The following MASTL variants were observed in gnomAD, a reference collection of about 807,000 sequenced individuals.
MASTL encodes the protein serine/threonine-protein kinase greatwall.
MASTL carries 54 observed loss-of-function variants against 82.5 expected under a neutral mutation model. The observed-to-expected ratio is 0.65, with a 90% CI of 0.53 to 0.82. The LOEUF (loss-of-function observed/expected upper bound fraction) is 0.82. Among genes scored for constraint, MASTL ranks in the 40% least tolerant of loss-of-function variants. MASTL has a pLI of 0.00. For missense variants in MASTL, 950 were observed against 1,047.8 expected, an observed-to-expected ratio of 0.91 and a Z score of 1.29; for synonymous variants, 323 against 368.9, an observed-to-expected ratio of 0.88 and a Z score of 1.43.
At chr10:27,166,004 C>T (rs1265263282) in intron 6 of MASTL, among the ~76,000 whole-genome samples, 4 of 152,040 alleles carry the variant, frequency 2.6e-5, no homozygotes, top group South Asian at 4.2e-4. Context: ...GTCAGGAGTT[C>T]GAGACCAGCC....
chr10:27,184,170 T>TA (rs1289710507), intron 11 of MASTL, among the ~76,000 whole-genome samples: 1 of 152,166 alleles, frequency 6.6e-6, no homozygotes, highest in Non-Finnish European at 1.5e-5. Context: ...AGTGAACAGT[T>TA]ACAGACACAA....
rs79219816 is a variant in MASTL, at chr10:27,176,556, A to G, written c.2266+3297A>G. The stretch of plus-strand genomic sequence containing the variant: ...TGTTCCCATTCCATTTCTTAAATAC[A>G]TTTAATTTTCAGGTCTTCCCTATTT... On this transcript the variant is annotated intron_variant, in intron 9 of 11. Transcript: ENST00000375940. Among the ~76,000 whole-genome samples, 1,456 of 152,226 alleles carry G rather than the reference A, an allele frequency of 9.6e-3. 15 individuals are homozygous for G. Among genetic ancestry groups the G allele is most frequent in the Middle Eastern group, 0.024 (7 of 294 alleles).
rs1389135222 is a variant in MASTL, at chr10:27,159,793, A to G, written c.464+35A>G. 1 of 1,563,944 alleles carries G rather than the reference A, an allele frequency of 6.4e-7. No individual in the cohort carries two copies. The highest frequency in any genetic ancestry group is 1.7e-5 in the Admixed American group (1 of 59,920). ...GACTTCTCCAAATTATTACTTAAAA[A>G]TTCAAGTAATCAAATTACATATTTG... On this transcript the variant is annotated intron_variant, in intron 3 of 11. Coordinates refer to ENST00000375940, the MANE Select transcript of MASTL (RefSeq NM_001172303.3). This position sits in a 1 kb window ranked among gnomAD's most constrained non-coding sequence, Gnocchi z 4.0.
At position 27,170,386 on chromosome 10, in the gene MASTL, G is replaced by A; in HGVS notation, c.1427G>A (p.Cys476Tyr). 6.2e-7 allele frequency: 1 copy of A among 1,614,026 alleles called. No homozygotes were observed. Among genetic ancestry groups the A allele is most frequent in the East Asian group, 2.2e-5 (1 of 44,874 alleles). Residue 476 changes from cysteine (C) to tyrosine (Y), a missense_variant, in exon 8 of 12, where the codon TGT becomes TAT. Physicochemically the swap from Cys to Tyr is radical, Grantham distance 194. Transcript: ENST00000375940. Reference protein sequence around the residue: ...VEYKHNEMTNCYTNQNTGLTV... With the variant: ...VEYKHNEMTNYYTNQNTGLTV... ...TATAAGCATAACGAAATGACAAATTGTTATACAAATCAAAATACAGGCTTA... is the reference window on the plus strand; with the variant it reads ...TATAAGCATAACGAAATGACAAATTATTATACAAATCAAAATACAGGCTTA...
At chr10:27,176,172 A>T (rs2058096772) in intron 9 of MASTL, among the ~76,000 whole-genome samples, 2 of 151,558 alleles carry the variant, frequency 1.3e-5, no homozygotes, top group African/African-American at 4.9e-5. Flanking sequence ...CAGTTTCATC[A>T]CCTTCATGGT....
In MASTL at chr10:27,172,220, A is replaced by G. The variant is rs189134077; in HGVS notation, c.2125-898A>G. On this transcript the variant is annotated intron_variant, in intron 8 of 11. Coordinates refer to ENST00000375940, the MANE Select transcript of MASTL (RefSeq NM_001172303.3). ...TCTTCCTTTGGGAAAACATCATAAC[A>G]TAAAATGTGTAACCCCTGAATTTAT... 2.2e-3 allele frequency among the ~76,000 whole-genome samples: 333 copies of G among 152,310 alleles called. 2 individuals are homozygous for G. Among genetic ancestry groups the G allele is most frequent in the African/African-American group, 7.6e-3 (316 of 41,560 alleles).
In MASTL at chr10:27,165,107, A is replaced by G. The variant is rs761170238; in HGVS notation, c.597A>G (p.Lys199=). Residue 199 remains lysine, a synonymous_variant, in exon 5 of 12, where the codon AAA becomes AAG. Coordinates refer to ENST00000375940, the MANE Select transcript of MASTL (RefSeq NM_001172303.3). ...TCCTTACAACACCATCAATGGCAAA[A>G]CCTAGACAAGATTATTCAAGAACCC... ...MDILTTPSMA[K]PRQDYSRTPG... is the part of the protein sequence containing the mutation. 1.2e-6 allele frequency: 2 copies of G among 1,613,338 alleles called. No individual in the cohort carries two copies. The highest frequency in any genetic ancestry group is 3.3e-5 in the Admixed American group (2 of 59,998).
intron 1 of MASTL, 62 bp from the exon 2 acceptor site, chr10:27,158,487 G>C: frequency 1.5e-6 from 2 of 1,363,628 alleles, no homozygotes; most frequent in South Asian, 1.2e-5. Flanking sequence ...GCCTGGGCAA[G>C]AGAATGAGAC....
chr10:27,170,984 G>A lies in MASTL; in HGVS notation c.2025G>A (p.Met675Ile), dbSNP rs745822643. The change falls in exon 8 of 12, where the codon ATG becomes ATA. Residue 675 changes from methionine (M) to isoleucine (I), a missense_variant. By Grantham distance (10) the Met-to-Ile change is conservative. Coordinates refer to ENST00000375940, the MANE Select transcript of MASTL (RefSeq NM_001172303.3). ...SNNSEPSRMNMTSLDAMDISC... is the reference protein window; with the variant it reads ...SNNSEPSRMNITSLDAMDISC... The stretch of plus-strand genomic sequence containing the variant: ...ACTCAGAACCATCCAGAATGAACAT[G>A]ACTTCTTTAGATGCAATGGATATTT... The A allele has an allele frequency of 1.2e-5, 20 of 1,613,860 alleles. No individual in the cohort carries two copies. Among genetic ancestry groups the A allele is most frequent in the East Asian group, 1.1e-4 (5 of 44,870 alleles).
At position 27,173,163 on chromosome 10, in the gene MASTL, AAG is replaced by A. The variant is rs752506981; in HGVS notation, c.2173_2174del (p.Ser725CysfsTer9). The part of the protein sequence containing the change: ...IKSGTPYRTP[K>X]SVRRGVAPVD... Reference sequence around the variant, plus strand: ...GTCGGGAACTCCATACCGAACTCCGAAGAGTGTGAGAAGAGGGGTGGCCCCCG... The same window carrying A: ...GTCGGGAACTCCATACCGAACTCCGAAGTGTGAGAAGAGGGGTGGCCCCCG... On this transcript the variant is annotated frameshift_variant, in exon 9 of 12. Coordinates refer to ENST00000375940, the MANE Select transcript of MASTL (RefSeq NM_001172303.3). LOFTEE classifies it high-confidence loss of function. 6.2e-7 allele frequency: 1 copy of A among 1,614,164 alleles called. No homozygotes were observed. Among genetic ancestry groups the A allele is most frequent in the East Asian group, 2.2e-5 (1 of 44,878 alleles).
At chr10:27,186,247 A>C (rs1029854774) in intron 11 of MASTL, 132 bp from the exon 12 acceptor site, 9 of 942,822 alleles carry the variant, frequency 9.5e-6, no homozygotes, top group Non-Finnish European at 1.5e-5. Context: ...ACATTAAACA[A>C]ATGTCTGTGA....
chr10:27,171,177 A>G lies in MASTL; in HGVS notation c.2124+94A>G. On this transcript the variant is annotated intron_variant, in intron 8 of 11. Coordinates refer to ENST00000375940, the MANE Select transcript of MASTL (RefSeq NM_001172303.3). ...TAAGCTAGACTATGCGGTATTAATC[A>G]TATAGTTCTGTTCTTCTTGTTGAGA... is the stretch of plus-strand genomic sequence containing the variant. 3 of 1,084,766 alleles carry G rather than the reference A, an allele frequency of 2.8e-6. No individual in the cohort carries two copies. The Admixed American group carries it at 5.6e-5, about 20-fold the overall frequency. 67.2% of individuals were successfully genotyped at this position (1,084,766 alleles called of 1,614,324 possible). A position where few individuals can be genotyped will look rare whatever the true frequency, so the allele number is the denominator to read the frequency against.
At chr10:27,160,956 T>C in intron 3 of MASTL, 138 bp from the exon 4 acceptor site, 1 of 664,750 alleles carries the variant, frequency 1.5e-6, no homozygotes. Flanking sequence ...TCTGTACTTT[T>C]CAAAGCCATC....
Position 27,170,841 on chromosome 10 carries a change from G to C in MASTL, c.1882G>C (p.Val628Leu), listed in dbSNP as rs780924900. ...TSPKGVENPA[V>L]QESNQKMLGP... Reference sequence around the variant, plus strand: ...ACCAAAAGGTGTCGAGAACCCTGCTGTACAAGAGAGTAACCAAAAAATGTT... The same window carrying C: ...ACCAAAAGGTGTCGAGAACCCTGCTCTACAAGAGAGTAACCAAAAAATGTT... Residue 628 changes from valine (V) to leucine (L), a missense_variant, in exon 8 of 12, where the codon GTA becomes CTA. Physicochemically the swap from Val to Leu is conservative, Grantham distance 32 (BLOSUM62 1). Coordinates refer to ENST00000375940, the MANE Select transcript of MASTL (RefSeq NM_001172303.3). 1.2e-6 allele frequency: 2 copies of C among 1,614,144 alleles called. No individual in the cohort carries two copies. The highest frequency in any genetic ancestry group is 1.7e-6 in the Non-Finnish European group (2 of 1,180,002).
Position 27,171,831 on chromosome 10 carries a change from T to C in MASTL, c.2124+748T>C, listed in dbSNP as rs553914035. 2.2e-3 allele frequency among the ~76,000 whole-genome samples: 293 copies of C among 135,308 alleles called. 6 individuals are homozygous for C. Among genetic ancestry groups the C allele is most frequent in the African/African-American group, 8.3e-3 (283 of 34,032 alleles). The allele number at this position is 135,308 out of a possible 152,430, so 88.8% of individuals were successfully genotyped here. The stretch of plus-strand genomic sequence containing the variant: ...AAAGTTGAAAAATATGTTTCTTTTT[T>C]TTTTTTTTTTTTTTTTGAGACAAAG... On this transcript the variant is annotated intron_variant, in intron 8 of 11. Transcript: ENST00000375940.
chr10:27,173,474 C>T (rs1036073623), intron 9 of MASTL, among the ~76,000 whole-genome samples: 1 of 152,120 alleles, frequency 6.6e-6, no homozygotes. Flanking sequence ...TGCTGGAGTA[C>T]ATGTAGTCAT....
Position 27,155,623 on chromosome 10 carries a change from A to G in MASTL, c.186+11A>G. On this transcript the variant is annotated intron_variant, in intron 1 of 11. Coordinates refer to ENST00000375940, the MANE Select transcript of MASTL (RefSeq NM_001172303.3). ...TTGTATGCAGTAAAGGTAGGAAGTC[A>G]ACGAGTAGCAAGGAAGGGGTTAGGC... 5 of 1,614,108 alleles carry G rather than the reference A, an allele frequency of 3.1e-6. No individual in the cohort carries two copies. The highest frequency in any genetic ancestry group is 4.2e-6 in the Non-Finnish European group (5 of 1,179,982).
intron 7 of MASTL, among the ~76,000 whole-genome samples, chr10:27,167,922 C>T (rs1034038474): frequency 6.6e-6 from 1 of 152,026 alleles, no homozygotes; most frequent in Non-Finnish European, 1.5e-5. Context: ...TACTTAAAGT[C>T]ACTTTACTTA....
Position 27,170,567 on chromosome 10 carries a change from C to T in MASTL, c.1608C>T (p.Leu536=), listed in dbSNP as rs755238469. ...PMIAKNLMCE[L]DEDCEKNSKR... is the part of the protein sequence containing the mutation. Reference sequence around the variant, plus strand: ...TAGCAAAAAACCTTATGTGTGAACTCGATGAAGACTGTGAAAAGAATAGTA... The same window carrying T: ...TAGCAAAAAACCTTATGTGTGAACTTGATGAAGACTGTGAAAAGAATAGTA... Residue 536 remains leucine (L), a synonymous_variant, in exon 8 of 12, where the codon CTC becomes CTT. Transcript: ENST00000375940. 12 of 1,613,226 alleles carry T rather than the reference C, an allele frequency of 7.4e-6. No individual in the cohort carries two copies. Among genetic ancestry groups the T allele is most frequent in the East Asian group, 2.2e-5 (1 of 44,840 alleles).
Sources: allele counts gnomAD v4.1 joint callset (sites outside exome capture counted in the v4.1 genomes callset), GRCh38; gene constraint gnomAD v4.1.1; non-coding constraint Gnocchi (gnomAD v3.1); transcripts MANE v1.5; gene names NCBI Gene and HGNC (gene_info 2026-07-23, HGNC 2026-07-21).